Variants in CNTNAP1 observed in about 807,000 individuals in gnomAD.
The protein encoded by CNTNAP1 is contactin-associated protein 1.
Under a neutral mutation model 161.5 loss-of-function variants are expected in CNTNAP1, and 80 were observed. The observed-to-expected ratio is 0.50, with a 90% CI of 0.41 to 0.60. CNTNAP1 has a LOEUF of 0.60. CNTNAP1 is among the 20% of genes least tolerant of loss of function. The probability of loss-of-function intolerance (pLI) is 0.00; values close to 1 mark genes in which losing one functional copy is unlikely to be tolerated. For missense variants in CNTNAP1, 1,464 were observed against 1,854.8 expected, an observed-to-expected ratio of 0.79 and a Z score of 3.87; for synonymous variants, 695 against 733.1, an observed-to-expected ratio of 0.95 and a Z score of 0.84.
chr17:42,695,957 C>T, intron 19 of CNTNAP1, 68 bp from the exon 20 acceptor site: 11 of 1,601,210 alleles, frequency 6.9e-6, no homozygotes, highest in Non-Finnish European at 9.4e-6. Context: ...AATACAAGGA[C>T]CCACGTGCTG....
rs149387021 is a variant in CNTNAP1, at chr17:42,696,125, C to T, written c.3447C>T (p.Thr1149=). Reference sequence around the variant, plus strand: ...GCCAGCCCCATAGCATCAATATCACCCGTGTTTACCGGAACCTCTTCATCC... The same window carrying T: ...GCCAGCCCCATAGCATCAATATCACTCGTGTTTACCGGAACCTCTTCATCC... ...TDGQPHSINI[T]RVYRNLFIQV... The change falls in exon 20 of 24, where the codon ACC becomes ACT. Residue 1149 remains threonine (T), a synonymous_variant. Transcript: ENST00000264638. 1.3e-3 allele frequency: 2,073 copies of T among 1,614,138 alleles called. 16 individuals carry two copies. The highest frequency in any genetic ancestry group is 8.6e-4 in the Non-Finnish European group (1,013 of 1,180,020).
In CNTNAP1 at chr17:42,691,721, A is replaced by G; in HGVS notation, c.2345-85A>G. Reference sequence around the variant, plus strand: ...ACCTCAAACCCTCCCCCTTTGCCCAACCTTCCCTGCCCCCAACCCCAGGTT... The same window carrying G: ...ACCTCAAACCCTCCCCCTTTGCCCAGCCTTCCCTGCCCCCAACCCCAGGTT... On this transcript the variant is annotated intron_variant, in intron 15 of 23. Transcript: ENST00000264638. This position sits in a 1 kb window ranked among gnomAD's most constrained non-coding sequence, Gnocchi z 4.3. 1 of 1,478,276 alleles carries G rather than the reference A, an allele frequency of 6.8e-7. No homozygotes were observed. The highest frequency in any genetic ancestry group is 9.3e-7 in the Non-Finnish European group (1 of 1,070,912). The allele number at this position is 1,478,276 out of a possible 1,614,324, so 91.6% of individuals were successfully genotyped here. A position where few individuals can be genotyped will look rare whatever the true frequency, so the allele number is the denominator to read the frequency against.
chr17:42,696,480 C>T (rs1484988111), intron 20 of CNTNAP1, among the ~76,000 whole-genome samples: 5 of 151,982 alleles, frequency 3.3e-5, no homozygotes, highest in Non-Finnish European at 5.9e-5. Context: ...TGCGCCACAA[C>T]GCCCAGCTAA....
chr17:42,684,659 C>T (rs958677112), intron 3 of CNTNAP1, among the ~76,000 whole-genome samples: 1 of 152,072 alleles, frequency 6.6e-6, no homozygotes, highest in Non-Finnish European at 1.5e-5. Context: ...GGCGCAGTGG[C>T]TCACGCCTGT....
In CNTNAP1 at chr17:42,682,557, G is replaced by A; in HGVS notation, c.-273G>A. 1 of 513,128 alleles carries A rather than the reference G, an allele frequency of 1.9e-6. No individual in the cohort carries two copies. The highest frequency in any genetic ancestry group is 2.2e-5 in the South Asian group (1 of 44,592). 31.8% of individuals were successfully genotyped at this position (513,128 alleles called of 1,614,324 possible). On this transcript the variant is annotated 5_prime_UTR_variant, in exon 1 of 24. Coordinates refer to ENST00000264638, the MANE Select transcript of CNTNAP1 (RefSeq NM_003632.3). The stretch of plus-strand genomic sequence containing the variant: ...AAACCGGCGCGTGCCAGGAGACAGA[G>A]GCTGGGGAAGGGGGGAGGTGAGAGG...
rs2053024012 is a variant in CNTNAP1 at position 42,686,934 on chromosome 17, G to A, written c.932G>A (p.Arg311Gln). ...MFIGGLVGAA[R>Q]KNLAYRHNFR... ...ATCGGAGGTCTGGTGGGCGCCGCGC[G>A]GAAGAACCTGGCCTATCGGCATAAC... is the stretch of plus-strand genomic sequence containing the variant. Residue 311 changes from arginine to glutamine, a missense_variant, in exon 7 of 24, where the codon CGG (arginine) becomes CAG (glutamine). Coordinates refer to ENST00000264638, the MANE Select transcript of CNTNAP1 (RefSeq NM_003632.3). 1.2e-6 allele frequency: 2 copies of A among 1,612,408 alleles called. No individual in the cohort carries two copies. The highest frequency in any genetic ancestry group is 2.2e-5 in the East Asian group (1 of 44,834).
chr17:42,686,852 G>A, intron 6 of CNTNAP1, 51 bp from the exon 7 acceptor site: 1 of 1,541,878 alleles, frequency 6.5e-7, no homozygotes, highest in Admixed American at 2.0e-5. Flanking sequence ...GCGCGAGAAA[G>A]GCAGGCGCCC....
rs747215649 is a variant in CNTNAP1, at chr17:42,689,600, G to C, written c.1708G>C (p.Gly570Arg). Residue 570 changes from glycine (G) to arginine (R), a missense_variant, in exon 11 of 24, where the codon GGC becomes CGC. By Grantham distance (125) the Gly-to-Arg change is moderately radical. Transcript: ENST00000264638. ...DDFICYCELT[G>R]YKGETCHTPL... ...CTTCATTTGCTACTGCGAACTGACG[G>C]GCTACAAGGGAGAGACCTGCCACAC... 7 of 1,613,812 alleles carry C rather than the reference G, an allele frequency of 4.3e-6. No individual in the cohort carries two copies. Among genetic ancestry groups the C allele is most frequent in the Non-Finnish European group, 5.9e-6 (7 of 1,179,906 alleles).
chr17:42,682,885 G>C lies in CNTNAP1; in HGVS notation c.56G>C (p.Gly19Ala). ...CTCGCCGCGGTCTCAGGAGCCGAGG[G>C]CTGGGGCTACTGTGAGTGTTGGGCT... ...ILLAAVSGAE[G>A]WGYYGCDEEL... Residue 19 changes from glycine to alanine, a missense_variant, in exon 1 of 24, where the codon GGC becomes GCC. Physicochemically the swap from Gly to Ala is moderately conservative, Grantham distance 60. Transcript: ENST00000264638. 6.2e-7 allele frequency: 1 copy of C among 1,601,328 alleles called. No homozygotes were observed. Among genetic ancestry groups the C allele is most frequent in the Non-Finnish European group, 8.5e-7 (1 of 1,174,932 alleles).
intron 1 of CNTNAP1, chr17:42,683,499 G>C: frequency 2.5e-6 from 3 of 1,189,430 alleles, no homozygotes; most frequent in Non-Finnish European, 3.1e-6. Flanking sequence ...GGTTGACTTA[G>C]GTTGTGGAAG....
At chr17:42,689,474 C>T in intron 10 of CNTNAP1, 47 bp from the exon 11 acceptor site, 2 of 1,478,692 alleles carry the variant, frequency 1.4e-6, no homozygotes, top group South Asian at 2.3e-5. Context: ...ACCCCACTCT[C>T]CAGCTCCCAG....
rs1199956387 is a variant in CNTNAP1 at position 42,697,909 on chromosome 17, C to T, written c.3821C>T (p.Pro1274Leu). 1.9e-6 allele frequency: 3 copies of T among 1,614,120 alleles called. No individual in the cohort carries two copies. Among genetic ancestry groups the T allele is most frequent in the Non-Finnish European group, 2.5e-6 (3 of 1,180,012 alleles). Residue 1274 changes from proline to leucine, a missense_variant, in exon 23 of 24, where the codon CCC (proline) becomes CTC (leucine). By Grantham distance (98) the Pro-to-Leu change is moderately conservative (BLOSUM62 -3). Around this residue, in one of 3 missense-constraint regions of CNTNAP1, gnomAD observed 1,383 missense variants for 1,765.0 expected, o/e 0.78. Coordinates refer to ENST00000264638, the MANE Select transcript of CNTNAP1 (RefSeq NM_003632.3). ...LDPWYLPPDFPYYHDEGWVAI... is the reference protein window; with the variant it reads ...LDPWYLPPDFLYYHDEGWVAI... ...GGTGCTTTCTCCTCTCCAGACTTCC[C>T]CTACTACCATGATGAAGGATGGGTT... is the stretch of plus-strand genomic sequence containing the variant.
chr17:42,687,136 T>A lies in CNTNAP1; in HGVS notation c.1044+90T>A, dbSNP rs936648727. On this transcript the variant is annotated intron_variant, in intron 7 of 23. Transcript: ENST00000264638. This position sits in a 1 kb window ranked among gnomAD's most constrained non-coding sequence, Gnocchi z 4.7. Reference sequence around the variant, plus strand: ...GCGGGAAGAGATATTGAACATCAGATAAAAGCGGAGAATCCCTCTGTCCCC... The same window carrying A: ...GCGGGAAGAGATATTGAACATCAGAAAAAAGCGGAGAATCCCTCTGTCCCC... 6.6e-7 allele frequency: 1 copy of A among 1,519,808 alleles called. No homozygotes were observed. The highest frequency in any genetic ancestry group is 8.9e-7 in the Non-Finnish European group (1 of 1,120,628). 94.1% of individuals were successfully genotyped at this position (1,519,808 alleles called of 1,614,324 possible). A position where few individuals can be genotyped will look rare whatever the true frequency, so the allele number is the denominator to read the frequency against.
Position 42,691,733 on chromosome 17 carries a change from C to T in CNTNAP1, c.2345-73C>T. 1 of 1,533,266 alleles carries T rather than the reference C, an allele frequency of 6.5e-7. No individual in the cohort carries two copies. Among genetic ancestry groups the T allele is most frequent in the South Asian group, 1.2e-5 (1 of 85,666 alleles). The allele number at this position is 1,533,266 out of a possible 1,614,324, so 95.0% of individuals were successfully genotyped here. On this transcript the variant is annotated intron_variant, in intron 15 of 23. Transcript: ENST00000264638. This position sits in a 1 kb window ranked among gnomAD's most constrained non-coding sequence, Gnocchi z 4.3. ...CCCCCTTTGCCCAACCTTCCCTGCC[C>T]CCAACCCCAGGTTCTCTTCCTCCTC... is the stretch of plus-strand genomic sequence containing the variant.
rs1164086648 is a variant in CNTNAP1 at position 42,687,449 on chromosome 17, C to G, written c.1045-271C>G. 3.6e-6 allele frequency: 2 copies of G among 550,300 alleles called. No individual in the cohort carries two copies. The highest frequency in any genetic ancestry group is 6.4e-6 in the Non-Finnish European group (2 of 311,074). The allele number at this position is 550,300 out of a possible 1,614,324, so 34.1% of individuals were successfully genotyped here. A position where few individuals can be genotyped will look rare whatever the true frequency, so the allele number is the denominator to read the frequency against. On this transcript the variant is annotated intron_variant, in intron 7 of 23. Transcript: ENST00000264638. This position sits in a 1 kb window ranked among gnomAD's most constrained non-coding sequence, Gnocchi z 4.7. ...CCAGGTCTGTGGTCCAAAATTGCCTCTCGATACTGGAAGGAGAGAAGCGGT... is the reference window on the plus strand; with the variant it reads ...CCAGGTCTGTGGTCCAAAATTGCCTGTCGATACTGGAAGGAGAGAAGCGGT...
chr17:42,684,179 G>T lies in CNTNAP1; in HGVS notation c.313G>T (p.Gly105Cys), dbSNP rs767706478. 4 of 1,614,100 alleles carry T rather than the reference G, an allele frequency of 2.5e-6. No homozygotes were observed. Among genetic ancestry groups the T allele is most frequent in the Non-Finnish European group, 3.4e-6 (4 of 1,180,026 alleles). Residue 105 changes from glycine to cysteine, a missense_variant, in exon 3 of 24, where the codon GGC becomes TGC. Gly to Cys is a radical substitution (Grantham distance 159). This residue lies in a region of CNTNAP1 where 1,383 missense variants were observed against 1,765.0 expected (regional missense o/e 0.78). Transcript: ENST00000264638. ...DWVTRYMLLY[G>C]DRVDSWTPFY... ...GGTCACACGTTACATGCTACTCTAC[G>T]GCGACCGAGTGGACAGCTGGACACC...
chr17:42,683,487 T>G, intron 1 of CNTNAP1: 1 of 1,155,872 alleles, frequency 8.7e-7, no homozygotes, highest in African/African-American at 1.6e-5. Context: ...ATTGGTGTCT[T>G]GGGTTGACTT....
At chr17:42,683,003 G>A in intron 1 of CNTNAP1, 107 bp downstream of exon 1, 2 of 1,063,622 alleles carry the variant, frequency 1.9e-6, no homozygotes, top group Non-Finnish European at 2.7e-6. Flanking sequence ...CTTCCCGGCC[G>A]GCGCGCGCCC....
chr17:42,686,763 G>C, intron 6 of CNTNAP1, 140 bp from the exon 7 acceptor site: 1 of 1,026,116 alleles, frequency 9.7e-7, no homozygotes, highest in Non-Finnish European at 1.4e-6. Context: ...GCGAGCTTTA[G>C]TACCGACACT....
Sources: allele counts gnomAD v4.1 joint callset (sites outside exome capture counted in the v4.1 genomes callset), GRCh38; gene constraint gnomAD v4.1.1; regional missense constraint gnomAD v4.1.1; non-coding constraint Gnocchi (gnomAD v3.1); transcripts MANE v1.5; gene names NCBI Gene and HGNC (gene_info 2026-07-23, HGNC 2026-07-21).